The following RANBP9 variants were observed in gnomAD, a reference collection of about 807,000 sequenced individuals.
RANBP9 encodes ran-binding protein 9.
A neutral mutation model predicts 84.3 loss-of-function variants in RANBP9; 15 were observed. That is an observed-to-expected ratio of 0.18 (90% CI 0.12 to 0.27). RANBP9 has a LOEUF of 0.27. Among genes scored for constraint, RANBP9 ranks in the 10% least tolerant of loss-of-function variants. The pLI, the probability that RANBP9 is intolerant of heterozygous loss-of-function variation, is 1.00. For missense variants in RANBP9, 809 were observed against 912.8 expected, an observed-to-expected ratio of 0.89 and a Z score of 1.46; for synonymous variants, 392 against 349.6, an observed-to-expected ratio of 1.12 and a Z score of -1.35.
chr6:13,680,141 T>C (rs1370407745), intron 2 of RANBP9, among the ~76,000 whole-genome samples: 1 of 151,896 alleles, frequency 6.6e-6, no homozygotes, highest in Non-Finnish European at 1.5e-5. Flanking sequence ...AAAAAACTCT[T>C]CAAAAAAACA....
chr6:13,710,078 T>C (rs1190337104), intron 1 of RANBP9, among the ~76,000 whole-genome samples: 2 of 152,212 alleles, frequency 1.3e-5, no homozygotes, highest in Non-Finnish European at 1.5e-5. Flanking sequence ...TTCATAATTT[T>C]ATATACAACT....
chr6:13,711,482 C>T lies in RANBP9; in HGVS notation c.24G>A (p.Pro8=). Residue 8 remains proline (P), a synonymous_variant, in exon 1 of 14, where the codon CCG becomes CCA. Coordinates refer to ENST00000011619, the MANE Select transcript of RANBP9 (RefSeq NM_005493.3). The part of the protein sequence containing the change: MSGQPPP[P]PPQQQQQQQQ... ...GCTGCTGTTGCTGCTGCTGCGGCGGCGGCGGCGGCGGCTGCCCGGACATCC... is the reference window on the plus strand; with the variant it reads ...GCTGCTGTTGCTGCTGCTGCGGCGGTGGCGGCGGCGGCTGCCCGGACATCC... The T allele has an allele frequency of 2.4e-6, 3 of 1,243,540 alleles. No individual in the cohort carries two copies. The highest frequency in any genetic ancestry group is 2.0e-6 in the Non-Finnish European group (2 of 993,246). 77.0% of individuals were successfully genotyped at this position (1,243,540 alleles called of 1,614,324 possible). A position where few individuals can be genotyped will look rare whatever the true frequency, so the allele number is the denominator to read the frequency against.
chr6:13,658,753 A>G lies in RANBP9; in HGVS notation c.736+27T>C, dbSNP rs756526189. On this transcript the variant is annotated intron_variant, in intron 3 of 13. Transcript: ENST00000011619. ...CCAGAAAGAGCTACTCATAAGACAT[A>G]ATACTGTAATTCAATTACAAGTGTA... 2.0e-5 allele frequency: 30 copies of G among 1,519,918 alleles called. No homozygotes were observed. The South Asian group carries it at 3.4e-4, about 17-fold the overall frequency. 94.2% of individuals were successfully genotyped at this position (1,519,918 alleles called of 1,614,324 possible).
At chr6:13,647,712 CTCATT>C (rs569895580) in intron 5 of RANBP9, among the ~76,000 whole-genome samples, 3 of 152,006 alleles carry the variant, frequency 2.0e-5, no homozygotes, top group Non-Finnish European at 4.4e-5. Flanking sequence ...ATAAACATTT[CTCATT>C]TAAGTATTTA....
chr6:13,686,658 C>T (rs947081615), intron 2 of RANBP9, among the ~76,000 whole-genome samples: 1 of 152,082 alleles, frequency 6.6e-6, no homozygotes, highest in African/African-American at 2.4e-5. Flanking sequence ...CCCACCTCAG[C>T]TGCCAAAAGT....
At chr6:13,704,568 T>C (rs1561697656) in intron 1 of RANBP9, among the ~76,000 whole-genome samples, 2 of 151,800 alleles carry the variant, frequency 1.3e-5, no homozygotes, top group Admixed American at 6.6e-5. Context: ...GAGGCAGAGG[T>C]TGCAGTGAGC....
intron 2 of RANBP9, among the ~76,000 whole-genome samples, chr6:13,666,637 G>C (rs1765656157): frequency 8.6e-6 from 1 of 116,396 alleles, no homozygotes; most frequent in Admixed American, 9.5e-5. Context: ...AAGATTGGCA[G>C]GGTGGTGCAT....
At chr6:13,665,162 A>G (rs1425081553) in intron 2 of RANBP9, among the ~76,000 whole-genome samples, 1 of 152,220 alleles carries the variant, frequency 6.6e-6, no homozygotes, top group Non-Finnish European at 1.5e-5. Context: ...TAAAGGTTCT[A>G]TAAGAAAACA....
chr6:13,634,095 G>T (rs1764870310), intron 11 of RANBP9, among the ~76,000 whole-genome samples: 1 of 152,124 alleles, frequency 6.6e-6, no homozygotes, highest in Non-Finnish European at 1.5e-5. Flanking sequence ...TGGCCTTACT[G>T]ACTATACTGA....
intron 1 of RANBP9, among the ~76,000 whole-genome samples, chr6:13,702,103 T>C (rs1438080558): frequency 6.6e-6 from 1 of 152,192 alleles, no homozygotes; most frequent in African/African-American, 2.4e-5. Flanking sequence ...TATAAATCAT[T>C]GTCAGTAATG....
intron 13 of RANBP9, among the ~76,000 whole-genome samples, chr6:13,624,071 G>A (rs750517124): frequency 3.3e-5 from 5 of 152,040 alleles, no homozygotes; most frequent in Non-Finnish European, 5.9e-5. Flanking sequence ...TTTTACCAAC[G>A]GAGCTAAATG....
chr6:13,645,319 A>C (rs867565659), intron 5 of RANBP9, among the ~76,000 whole-genome samples: 20 of 152,112 alleles, frequency 1.3e-4, no homozygotes, highest in Non-Finnish European at 2.5e-4. Context: ...TAAAAAAAAA[A>C]CACAAAACCT....
intron 2 of RANBP9, among the ~76,000 whole-genome samples, chr6:13,679,255 T>G (rs1237687849): frequency 1.3e-5 from 2 of 152,200 alleles, no homozygotes; most frequent in African/African-American, 2.4e-5. Context: ...TTTCTCCCAT[T>G]ACCTCTCGAA....
chr6:13,678,531 C>T (rs151105299), intron 2 of RANBP9, among the ~76,000 whole-genome samples: 16 of 152,160 alleles, frequency 1.1e-4, no homozygotes, highest in Non-Finnish European at 1.8e-4. Flanking sequence ...CGCTCACATA[C>T]GAAGCCAGTA....
At chr6:13,681,461 G>C (rs1766036085) in intron 2 of RANBP9, among the ~76,000 whole-genome samples, 1 of 152,030 alleles carries the variant, frequency 6.6e-6, no homozygotes, top group Admixed American at 6.5e-5. Context: ...GGGAAGAAAA[G>C]GTGCTGAAGA....
intron 2 of RANBP9, among the ~76,000 whole-genome samples, chr6:13,688,404 CACCA>C (rs1304656702): frequency 6.6e-6 from 1 of 152,176 alleles, no homozygotes; most frequent in Non-Finnish European, 1.5e-5. Flanking sequence ...CTTCCCTGAT[CACCA>C]CCCTGTCTTC....
chr6:13,626,348 T>C (rs1038272732), intron 12 of RANBP9, among the ~76,000 whole-genome samples: 11 of 152,206 alleles, frequency 7.2e-5, no homozygotes, highest in African/African-American at 1.9e-4. Flanking sequence ...CTACTTTATA[T>C]TTTTTGTCTT....
At chr6:13,637,149 T>C (rs553470244) in intron 10 of RANBP9, among the ~76,000 whole-genome samples, 3 of 152,316 alleles carry the variant, frequency 2.0e-5, no homozygotes, top group African/African-American at 7.2e-5. Flanking sequence ...AACCTGAGTA[T>C]ATCAAGGGTC....
intron 2 of RANBP9, among the ~76,000 whole-genome samples, chr6:13,685,407 T>C (rs1766149494): frequency 6.6e-6 from 1 of 152,000 alleles, no homozygotes; most frequent in Non-Finnish European, 1.5e-5. Flanking sequence ...AATAATCCTC[T>C]ACAAAAAAAT....
Sources: allele counts gnomAD v4.1 joint callset (sites outside exome capture counted in the v4.1 genomes callset), GRCh38; gene constraint gnomAD v4.1.1; transcripts MANE v1.5; gene names NCBI Gene and HGNC (gene_info 2026-07-23, HGNC 2026-07-21).